GDAP1: variants seen among roughly 807,000 people sequenced by gnomAD.
GDAP1 encodes the protein ganglioside induced differentiation associated protein 1, also known as ganglioside-induced differentiation-associated protein 1.
Under a neutral mutation model 40.1 loss-of-function variants are expected in GDAP1, and 34 were observed. That is an observed-to-expected ratio of 0.85 (90% confidence interval 0.64 to 1.13). GDAP1 has a LOEUF of 1.13. GDAP1 is among the 50% of genes most tolerant of loss of function. The pLI is 0.00. For synonymous variants in GDAP1, 170 were observed against 157.4 expected (o/e 1.08, Z -0.60); for missense variants, 374 against 433.7 (o/e 0.86, Z 1.22).
At position 74,364,472 on chromosome 8, in the gene GDAP1, T is replaced by C. The variant is rs1219782162; in HGVS notation, c.*105T>C. 1 of 1,170,696 alleles carries C rather than the reference T, an allele frequency of 8.5e-7. No individual in the cohort carries two copies. Among genetic ancestry groups the C allele is most frequent in the Non-Finnish European group, 1.3e-6 (1 of 791,276 alleles). The allele number at this position is 1,170,696 out of a possible 1,614,324, so 72.5% of individuals were successfully genotyped here. On this transcript the variant is annotated 3_prime_UTR_variant, in exon 6 of 6. Transcript: ENST00000220822. ...CTTATTGAGTAGTTAGCAGTATTTT[T>C]TCCTAAAATTCAGAAGTCATCTTTG...
chr8:74,386,032 G>A (rs1404615535), intron 2 of GDAP1, among the ~76,000 whole-genome samples: 1 of 151,932 alleles, frequency 6.6e-6, no homozygotes, highest in East Asian at 1.9e-4. Flanking sequence ...TTTTTGATGG[G>A]GTTGTTTGTG....
rs924393289 is a variant in GDAP1 at position 74,362,038 on chromosome 8, T to C, written c.579+60T>C. 3 of 869,830 alleles carry C rather than the reference T, an allele frequency of 3.4e-6. No individual in the cohort carries two copies. The African/African-American group carries it at 4.9e-5, about 14-fold the overall frequency. 53.9% of individuals were successfully genotyped at this position (869,830 alleles called of 1,614,324 possible). A position where few individuals can be genotyped will look rare whatever the true frequency, so the allele number is the denominator to read the frequency against. On this transcript the variant is annotated intron_variant, in intron 4 of 5. Coordinates refer to ENST00000220822, the MANE Select transcript of GDAP1 (RefSeq NM_018972.4). ...TGCACGGAGTAAATGTTCTACTTTT[T>C]GTAAAGTACCACTATTTCTAGAATA...
At chr8:74,352,545 A>AG in intron 2 of GDAP1, among the ~76,000 whole-genome samples, 1 of 152,248 alleles carries the variant, frequency 6.6e-6, no homozygotes, top group Non-Finnish European at 1.5e-5. Context: ...GGCAGTGGCG[A>AG]GGGGGAAGCC....
intron 2 of GDAP1, among the ~76,000 whole-genome samples, chr8:74,409,743 G>A (rs1322549496): frequency 2.7e-5 from 4 of 150,026 alleles, no homozygotes; most frequent in Non-Finnish European, 5.9e-5. Flanking sequence ...TGGACAATGA[G>A]ATGCCAGATC....
chr8:74,482,119 TGG>T (rs112227784), intron 2 of GDAP1, among the ~76,000 whole-genome samples: 5,604 of 70,732 alleles, frequency 0.079, 345 homozygotes, highest in African/African-American at 0.16. Flanking sequence ...GGTTTTTTTT[TGG>T]GGGGGGGGGG....
chr8:74,382,394 A>G (rs1554550380), intron 2 of GDAP1, among the ~76,000 whole-genome samples: 2 of 96,336 alleles, frequency 2.1e-5, no homozygotes, highest in Admixed American at 9.6e-5. Context: ...TTTTTTCTAG[A>G]TCTTTTCAGT....
chr8:74,388,281 T>C (rs907926068), intron 2 of GDAP1, among the ~76,000 whole-genome samples: 1 of 152,222 alleles, frequency 6.6e-6, no homozygotes, highest in African/African-American at 2.4e-5. Context: ...AGGATGTTGA[T>C]TTTAGATCTT....
At chr8:74,378,771 T>C (rs1809901367) in intron 2 of GDAP1, among the ~76,000 whole-genome samples, 1 of 152,192 alleles carries the variant, frequency 6.6e-6, no homozygotes, top group African/African-American at 2.4e-5. Context: ...TCTTTCCACC[T>C]GGGGGCCTCA....
intron 2 of GDAP1, among the ~76,000 whole-genome samples, chr8:74,434,318 G>A (rs1806062589): frequency 6.6e-6 from 1 of 152,194 alleles, no homozygotes; most frequent in East Asian, 1.9e-4. Context: ...CTGTGACAGT[G>A]TCAGCCAGTT....
chr8:74,401,315 A>G (rs1012509361), intron 2 of GDAP1, among the ~76,000 whole-genome samples: 3 of 148,998 alleles, frequency 2.0e-5, no homozygotes, highest in Admixed American at 2.0e-4. Flanking sequence ...ATCTTCCATC[A>G]CTGATACCCG....
chr8:74,385,609 T>C (rs1285089588), intron 2 of GDAP1, among the ~76,000 whole-genome samples: 1 of 152,218 alleles, frequency 6.6e-6, no homozygotes, highest in African/African-American at 2.4e-5. Context: ...TCCAAGTCTT[T>C]GCTATTGTGA....
intron 2 of GDAP1, among the ~76,000 whole-genome samples, chr8:74,377,026 A>G (rs976408665): frequency 6.6e-6 from 1 of 152,194 alleles, no homozygotes; most frequent in East Asian, 1.9e-4. Flanking sequence ...ATATACCTCA[A>G]TATTAATATT....
At chr8:74,379,148 G>GATAGTGTACATGAGGAAAGGGTACT (rs1563451986) in intron 2 of GDAP1, among the ~76,000 whole-genome samples, 1 of 151,978 alleles carries the variant, frequency 6.6e-6, no homozygotes, top group Non-Finnish European at 1.5e-5. Context: ...TTCAGGGTCC[G>GATAGTGTACATGAGGAAAGGGTACT]ACTCAGGCTT....
At chr8:74,436,171 A>G (rs1806085834) in intron 2 of GDAP1, among the ~76,000 whole-genome samples, 1 of 152,168 alleles carries the variant, frequency 6.6e-6, no homozygotes, top group Non-Finnish European at 1.5e-5. Context: ...TAAGACTCAG[A>G]GGTAGACTCC....
intron 2 of GDAP1, among the ~76,000 whole-genome samples, chr8:74,402,783 C>G (rs1563459556): frequency 6.7e-6 from 1 of 150,198 alleles, no homozygotes; most frequent in Non-Finnish European, 1.5e-5. Flanking sequence ...TTTGCATATA[C>G]AAAAAATCTT....
In GDAP1 at chr8:74,387,532, G is replaced by A. The variant is rs931603818; in HGVS notation, c.165+36211G>A. 5.3e-5 allele frequency among the ~76,000 whole-genome samples: 8 copies of A among 152,184 alleles called. 1 individual carries two copies. Among genetic ancestry groups the A allele is most frequent in the African/African-American group, 1.2e-4 (5 of 41,442 alleles). ...AGCCTTGCATCCCAGGGATGAAACC[G>A]ACTTGATCATGGTGGATAAGCTTTC... On this transcript the variant is annotated intron_variant, in intron 2 of 2. Coordinates refer to the GDAP1 transcript ENST00000523640.
intron 2 of GDAP1, among the ~76,000 whole-genome samples, chr8:74,428,607 C>T (rs986052899): frequency 1.9e-4 from 26 of 136,000 alleles, no homozygotes; most frequent in Admixed American, 8.9e-4. Flanking sequence ...GCTGGGACTA[C>T]GGGCGTATGC....
chr8:74,423,693 G>A (rs1342884975), intron 2 of GDAP1, among the ~76,000 whole-genome samples: 2 of 151,970 alleles, frequency 1.3e-5, no homozygotes, highest in African/African-American at 4.8e-5. Context: ...ATGCTTATCC[G>A]TGGTTAAGTT....
At chr8:74,416,094 G>A (rs563476890) in intron 2 of GDAP1, among the ~76,000 whole-genome samples, 5 of 149,904 alleles carry the variant, frequency 3.3e-5, no homozygotes, top group Admixed American at 2.6e-4. Context: ...AGCACTGTGA[G>A]CAGAGGCAGC....
Sources: allele counts gnomAD v4.1 joint callset (sites outside exome capture counted in the v4.1 genomes callset), GRCh38; gene constraint gnomAD v4.1.1; transcripts MANE v1.5; gene names NCBI Gene and HGNC (gene_info 2026-07-23, HGNC 2026-07-21).